Variants in AK2 observed in about 807,000 individuals in gnomAD.
AK2 encodes adenylate kinase 2, also known as adenylate kinase 2, mitochondrial.
In AK2, 15 loss-of-function variants were observed where a neutral mutation model predicts 24.6. The observed-to-expected ratio is 0.61, with a 90% CI of 0.41 to 0.94. The LOEUF (loss-of-function observed/expected upper bound fraction) is 0.94. Ranked by LOEUF, AK2 falls within the 40% of genes least tolerant of loss-of-function variation. The pLI, the probability that AK2 is intolerant of heterozygous loss-of-function variation, is 0.00. For synonymous variants in AK2, 102 were observed against 114.0 expected, an observed-to-expected ratio of 0.90 and a Z score of 0.67; for missense variants, 257 against 304.1, an observed-to-expected ratio of 0.85 and a Z score of 1.15.
rs1638818395 is a variant in AK2, at chr1:33,011,518, G to C, written c.*1663C>G. On this transcript the variant is annotated 3_prime_UTR_variant, in exon 6 of 6. Coordinates refer to ENST00000672715, the MANE Select transcript of AK2 (RefSeq NM_001625.4). ...CAGTTGCCATGTGGACAGCAGATAA[G>C]ACCTCTGGTAGTCTCACAGATGGCA... 1.6e-6 allele frequency: 2 copies of C among 1,287,368 alleles called. No individual in the cohort carries two copies. Among genetic ancestry groups the C allele is most frequent in the Admixed American group, 2.3e-5 (1 of 43,540 alleles). The allele number at this position is 1,287,368 out of a possible 1,614,324, so 79.7% of individuals were successfully genotyped here.
At position 33,010,116 on chromosome 1, in the gene AK2, C is replaced by G. The variant is rs183864859; in HGVS notation, c.*3065G>C. The G allele has an allele frequency of 6.2e-4, 283 of 454,428 alleles. No individual in the cohort carries two copies. Among genetic ancestry groups the G allele is most frequent in the Non-Finnish European group, 1.1e-3 (258 of 226,812 alleles). 28.1% of individuals were successfully genotyped at this position (454,428 alleles called of 1,614,324 possible). A position where few individuals can be genotyped will look rare whatever the true frequency, so the allele number is the denominator to read the frequency against. On this transcript the variant is annotated 3_prime_UTR_variant, in exon 6 of 6. Transcript: ENST00000672715. ...TCATTTATTTAAAAGAGTCCCTTCA[C>G]ACAGTGCAGATAAAAGAAGGCAAGA...
rs1387824450 is a variant in AK2, at chr1:33,009,381, A to G, written c.*3800T>C. ...AAAGAGTGTTAAAGAAGCAACTGAA[A>G]AGGTAGTCAAAGATCTGGCTTAAGG... On this transcript the variant is annotated 3_prime_UTR_variant, in exon 6 of 6. Coordinates refer to ENST00000672715, the MANE Select transcript of AK2 (RefSeq NM_001625.4). 1.3e-5 allele frequency: 6 copies of G among 453,978 alleles called. No homozygotes were observed. The highest frequency in any genetic ancestry group is 2.2e-5 in the Non-Finnish European group (5 of 226,784). 28.1% of individuals were successfully genotyped at this position (453,978 alleles called of 1,614,324 possible).
chr1:33,019,370 A>G (rs1639390254), intron 4 of AK2, among the ~76,000 whole-genome samples: 1 of 152,236 alleles, frequency 6.6e-6, no homozygotes, highest in East Asian at 1.9e-4. Flanking sequence ...CTCCAGTATC[A>G]CCTGATTCTG....
At position 33,013,006 on chromosome 1, in the gene AK2, C is replaced by CACAT; in HGVS notation, c.*171_*174dup. On this transcript the variant is annotated 3_prime_UTR_variant, in exon 6 of 6. Coordinates refer to ENST00000672715, the MANE Select transcript of AK2 (RefSeq NM_001625.4). ...CATGCACACACACACACACACAACACACATACACACAGATGAGAGTAGCAC... is the reference window on the plus strand; with the variant it reads ...CATGCACACACACACACACACAACACACATACATACACACAGATGAGAGTAGCAC... 1.9e-6 allele frequency: 3 copies of CACAT among 1,593,842 alleles called. No individual in the cohort carries two copies. Among genetic ancestry groups the CACAT allele is most frequent in the Non-Finnish European group, 2.5e-6 (3 of 1,176,660 alleles).
intron 5 of AK2, 139 bp downstream of exon 5, chr1:33,014,383 C>T (rs1219933968): frequency 8.5e-6 from 6 of 706,396 alleles, no homozygotes; most frequent in Non-Finnish European, 1.3e-5. Flanking sequence ...ATGTGATTTA[C>T]TTGATAGTGT....
At chr1:33,020,005 G>A (rs1639429956) in intron 4 of AK2, 1 of 1,502,828 alleles carries the variant, frequency 6.7e-7, no homozygotes, top group Admixed American at 2.2e-5. Flanking sequence ...AGGGAATGGA[G>A]GGTCCATTTG....
At chr1:33,023,435 A>G (rs2124338884) in intron 2 of AK2, among the ~76,000 whole-genome samples, 1 of 150,214 alleles carries the variant, frequency 6.7e-6, no homozygotes, top group South Asian at 2.1e-4. Flanking sequence ...AACAACAACA[A>G]AAGTAGCAGG....
In AK2 at chr1:33,011,094, C is replaced by CATGTT. The variant is rs1638793303; in HGVS notation, c.*2082_*2086dup. ...ATGGGCAGCCCAAATATTACTTGTACATGTTGTATGCACACGTGAATCTAT... is the reference window on the plus strand; with the variant it reads ...ATGGGCAGCCCAAATATTACTTGTACATGTTATGTTGTATGCACACGTGAATCTAT... On this transcript the variant is annotated 3_prime_UTR_variant, in exon 6 of 6. Coordinates refer to ENST00000672715, the MANE Select transcript of AK2 (RefSeq NM_001625.4). The CATGTT allele has an allele frequency of 7.0e-7, 1 of 1,436,902 alleles. No homozygotes were observed. The highest frequency in any genetic ancestry group is 9.1e-7 in the Non-Finnish European group (1 of 1,100,692). 89.0% of individuals were successfully genotyped at this position (1,436,902 alleles called of 1,614,324 possible).
At position 33,012,065 on chromosome 1, in the gene AK2, T is replaced by C; in HGVS notation, c.*1116A>G. The C allele has an allele frequency of 6.5e-7, 1 of 1,535,394 alleles. No individual in the cohort carries two copies. Among genetic ancestry groups the C allele is most frequent in the Non-Finnish European group, 8.7e-7 (1 of 1,146,696 alleles). ...GGCAAACATTAAAAATAAAAGCAAA[T>C]AAACCTACCCTGGTCTCTTTTTGGG... On this transcript the variant is annotated 3_prime_UTR_variant, in exon 6 of 6. Transcript: ENST00000672715.
chr1:33,013,410 C>A lies in AK2; in HGVS notation c.499-8G>T, dbSNP rs752613147. On this transcript the variant is annotated splice_region_variant and splice_polypyrimidine_tract_variant and intron_variant, in intron 5 of 5. Coordinates refer to ENST00000672715, the MANE Select transcript of AK2 (RefSeq NM_001625.4). ...CAAGGGTTCCCCGGTGATCTGAGAA[C>A]AGGAAGACAGCAATGAAAGGCTGGG... 142 of 1,603,278 alleles carry A rather than the reference C, an allele frequency of 8.9e-5. No homozygotes were observed. The highest frequency in any genetic ancestry group is 1.1e-4 in the Non-Finnish European group (127 of 1,174,620).
chr1:33,016,564 C>A (rs1639201543), intron 4 of AK2, among the ~76,000 whole-genome samples: 1 of 151,862 alleles, frequency 6.6e-6, no homozygotes, highest in East Asian at 1.9e-4. Flanking sequence ...GGCTGGAGTG[C>A]AATGGCAATG....
At chr1:33,029,823 C>T (rs995604409) in intron 1 of AK2, among the ~76,000 whole-genome samples, 13 of 152,320 alleles carry the variant, frequency 8.5e-5, no homozygotes, top group South Asian at 4.1e-4. Context: ...GGACTATGGG[C>T]GCATATCACT....
At chr1:33,014,051 T>C (rs1487224606) in intron 5 of AK2, among the ~76,000 whole-genome samples, 1 of 152,194 alleles carries the variant, frequency 6.6e-6, no homozygotes, top group Non-Finnish European at 1.5e-5. Context: ...ATAGACTCTT[T>C]ATGGCAAATG....
At chr1:33,028,660 T>C (rs1413116747) in intron 1 of AK2, among the ~76,000 whole-genome samples, 2 of 152,178 alleles carry the variant, frequency 1.3e-5, no homozygotes. Context: ...TCTGTTGCTG[T>C]CAGCCAAAAA....
Position 33,011,487 on chromosome 1 carries a change from CA to C in AK2, c.*1693del, listed in dbSNP as rs1189768358. On this transcript the variant is annotated 3_prime_UTR_variant, in exon 6 of 6. Transcript: ENST00000672715. ...GAGGGAAGCAAGGTGGCCAGGTACT[CA>C]TGCCCAGTTGCCATGTGGACAGCAG... The C allele has an allele frequency of 3.9e-6, 5 of 1,287,320 alleles. No individual in the cohort carries two copies. Among genetic ancestry groups the C allele is most frequent in the Non-Finnish European group, 5.1e-6 (5 of 988,830 alleles). 79.7% of individuals were successfully genotyped at this position (1,287,320 alleles called of 1,614,324 possible).
rs756652410 is a variant in AK2, at chr1:33,021,718, C to G, written c.220-15G>C. On this transcript the variant is annotated splice_polypyrimidine_tract_variant and intron_variant, in intron 2 of 5. Transcript: ENST00000672715. Reference sequence around the variant, plus strand: ...TCATCACTCACCTGGAAGTTAGGAACAAAATAGCCTTGGGTTTAAATCCAT... The same window carrying G: ...TCATCACTCACCTGGAAGTTAGGAAGAAAATAGCCTTGGGTTTAAATCCAT... The G allele has an allele frequency of 5.6e-6, 9 of 1,594,290 alleles. No homozygotes were observed. The African/African-American group carries it at 1.2e-4, about 21-fold the overall frequency.
rs183864859 is a variant in AK2, at chr1:33,010,116, C to T, written c.*3065G>A. The stretch of plus-strand genomic sequence containing the variant: ...TCATTTATTTAAAAGAGTCCCTTCA[C>T]ACAGTGCAGATAAAAGAAGGCAAGA... On this transcript the variant is annotated 3_prime_UTR_variant, in exon 6 of 6. Transcript: ENST00000672715. 4 of 454,312 alleles carry T rather than the reference C, an allele frequency of 8.8e-6. No individual in the cohort carries two copies. The highest frequency in any genetic ancestry group is 2.0e-5 in the African/African-American group (1 of 50,034). 28.1% of individuals were successfully genotyped at this position (454,312 alleles called of 1,614,324 possible).
chr1:33,031,819 C>A, intron 1 of AK2: 1 of 369,706 alleles, frequency 2.7e-6, no homozygotes, highest in South Asian at 2.0e-5. Flanking sequence ...GAGGGGTTGG[C>A]AAAAAAACCA....
At chr1:33,018,667 A>G (rs764038049) in intron 4 of AK2, among the ~76,000 whole-genome samples, 11 of 152,082 alleles carry the variant, frequency 7.2e-5, no homozygotes, top group Non-Finnish European at 1.5e-4. Flanking sequence ...CCTACTTCCA[A>G]ATGGAGGGAA....
Sources: allele counts gnomAD v4.1 joint callset (sites outside exome capture counted in the v4.1 genomes callset), GRCh38; gene constraint gnomAD v4.1.1; transcripts MANE v1.5; gene names NCBI Gene and HGNC (gene_info 2026-07-23, HGNC 2026-07-21).